TRIQK: variants seen among roughly 807,000 people sequenced by gnomAD.
The protein encoded by TRIQK is triple QxxK/R motif-containing protein.
TRIQK carries 10 observed loss-of-function variants against 10.8 expected under a neutral mutation model. The ratio of observed to expected loss-of-function variants is 0.92; its 90% CI spans 0.57 to 1.57. The LOEUF (loss-of-function observed/expected upper bound fraction) is 1.57, where lower values mean the gene tolerates loss of function less well. Ranked by LOEUF, TRIQK falls within the 40% of genes most tolerant of loss-of-function variation. The pLI is 0.00. For synonymous variants in TRIQK, 33 were observed against 33.7 expected (o/e 0.98, Z 0.07); for missense variants, 107 against 97.7 (o/e 1.09, Z -0.40).
chr8:93,010,443 T>C (rs1813321351), intron 1 of TRIQK, among the ~76,000 whole-genome samples: 2 of 152,054 alleles, frequency 1.3e-5, no homozygotes, highest in South Asian at 4.1e-4. Context: ...GCATAAGAAG[T>C]ATTTCAATAC....
chr8:92,887,236 TA>T (rs1816532009), intron 4 of TRIQK, among the ~76,000 whole-genome samples: 1 of 151,458 alleles, frequency 6.6e-6, no homozygotes, highest in Non-Finnish European at 1.5e-5. Context: ...TATATAGATG[TA>T]TACATACTCA....
chr8:92,985,956 A>G (rs1813027262), intron 1 of TRIQK, among the ~76,000 whole-genome samples: 1 of 152,148 alleles, frequency 6.6e-6, no homozygotes. Context: ...TACAACGACT[A>G]ATTAAAGTTG....
intron 2 of TRIQK, 72 bp from the exon 3 acceptor site, chr8:92,917,082 C>A (rs1219078259): frequency 1.0e-5 from 9 of 878,946 alleles, no homozygotes; most frequent in Non-Finnish European, 1.4e-5. Context: ...ATAGTTTATT[C>A]TATAAAATTC....
upstream of TRIQK, among the ~76,000 whole-genome samples, chr8:92,971,071 G>GT (rs562506098): frequency 5.3e-5 from 8 of 152,056 alleles, no homozygotes; most frequent in South Asian, 4.2e-4. Flanking sequence ...CCCATTGCTT[G>GT]TTTTTTTCCT....
chr8:92,933,062 A>AT (rs1287196779), intron 2 of TRIQK, among the ~76,000 whole-genome samples: 1 of 152,114 alleles, frequency 6.6e-6, no homozygotes, highest in Non-Finnish European at 1.5e-5. Context: ...AGATATGCTC[A>AT]TTTCTAATAA....
At chr8:92,921,114 T>G (rs1450442933) in intron 2 of TRIQK, among the ~76,000 whole-genome samples, 1 of 151,686 alleles carries the variant, frequency 6.6e-6, no homozygotes, top group African/African-American at 2.4e-5. Flanking sequence ...TTATTGCAGG[T>G]ATAAAGCAGT....
intron 2 of TRIQK, among the ~76,000 whole-genome samples, chr8:92,949,433 T>A (rs1811714747): frequency 6.6e-6 from 1 of 151,962 alleles, no homozygotes; most frequent in Non-Finnish European, 1.5e-5. Context: ...GCTTCTCACA[T>A]AGTAAGTGCT....
chr8:92,897,489 T>C (rs1231195423), intron 3 of TRIQK, among the ~76,000 whole-genome samples: 1 of 152,194 alleles, frequency 6.6e-6, no homozygotes, highest in East Asian at 1.9e-4. Flanking sequence ...GAATTAGTTA[T>C]CACAGGAGTG....
At chr8:92,887,188 T>C (rs1309816329) in intron 4 of TRIQK, among the ~76,000 whole-genome samples, 2 of 151,432 alleles carry the variant, frequency 1.3e-5, no homozygotes, top group African/African-American at 2.4e-5. Flanking sequence ...TCATTCCTTT[T>C]CATTGTAAAG....
intron 3 of TRIQK, among the ~76,000 whole-genome samples, chr8:92,894,837 G>A (rs1808508999): frequency 6.6e-6 from 1 of 151,894 alleles, no homozygotes; most frequent in African/African-American, 2.4e-5. Flanking sequence ...GTTGTTGTTA[G>A]AATCCCTTTG....
intron 1 of TRIQK, among the ~76,000 whole-genome samples, chr8:92,987,850 A>G (rs1246080492): frequency 1.3e-5 from 2 of 152,100 alleles, no homozygotes; most frequent in African/African-American, 2.4e-5. Flanking sequence ...CAGAATATTT[A>G]CTAAGATCTC....
At chr8:92,966,861 C>T (rs969608636), upstream of TRIQK, among the ~76,000 whole-genome samples, 2 of 150,704 alleles carry the variant, frequency 1.3e-5, no homozygotes, top group Non-Finnish European at 2.9e-5. Flanking sequence ...TCTAAAATTC[C>T]TTCAAAAAAT....
At chr8:92,974,395 T>G (rs1240926232) in intron 1 of TRIQK, 1 of 152,190 alleles carries the variant, frequency 6.6e-6, no homozygotes, top group East Asian at 1.9e-4. Flanking sequence ...GTCTGAATCT[T>G]TTTCAATGAG....
chr8:92,992,942 A>G (rs1190399468), intron 1 of TRIQK, among the ~76,000 whole-genome samples: 1 of 152,174 alleles, frequency 6.6e-6, no homozygotes, highest in African/African-American at 2.4e-5. Flanking sequence ...TCATATTAAC[A>G]ACCAGTCAGG....
upstream of TRIQK, among the ~76,000 whole-genome samples, chr8:92,970,027 A>G (rs1399809852): frequency 6.6e-6 from 1 of 152,106 alleles, no homozygotes; most frequent in Non-Finnish European, 1.5e-5. Flanking sequence ...CCCACTTATA[A>G]GTGAGAATAT....
chr8:92,975,980 T>G (rs1812927645), intron 1 of TRIQK, among the ~76,000 whole-genome samples: 1 of 151,918 alleles, frequency 6.6e-6, no homozygotes, highest in Non-Finnish European at 1.5e-5. Flanking sequence ...TCCAGATAAT[T>G]TCCTGTTAGT....
intron 3 of TRIQK, among the ~76,000 whole-genome samples, chr8:92,913,504 C>T (rs1472663588): frequency 3.3e-5 from 5 of 152,116 alleles, no homozygotes; most frequent in African/African-American, 1.2e-4. Flanking sequence ...AATAGGAACG[C>T]TTTTACACTG....
intron 1 of TRIQK, among the ~76,000 whole-genome samples, chr8:92,991,176 G>A (rs1813093776): frequency 6.6e-6 from 1 of 152,192 alleles, no homozygotes; most frequent in Non-Finnish European, 1.5e-5. Context: ...GCTCCACAAA[G>A]CCACTGTAGC....
At chr8:92,941,889 A>C (rs1811288866) in intron 2 of TRIQK, among the ~76,000 whole-genome samples, 1 of 152,214 alleles carries the variant, frequency 6.6e-6, no homozygotes, top group South Asian at 2.1e-4. Context: ...AAGAAATAGA[A>C]AATCTGAACA....
Sources: gnomAD v4.1 joint callset for allele counts (sites outside exome capture counted in the v4.1 genomes callset) on GRCh38, gnomAD v4.1.1 for gene constraint, MANE v1.5 for transcripts, NCBI Gene and HGNC (gene_info 2026-07-23, HGNC 2026-07-21) for gene names.